Variants in KCP observed in about 807,000 individuals in gnomAD.
KCP encodes the protein kielin/chordin-like protein.
In KCP, 194 loss-of-function variants were observed where a neutral mutation model predicts 212.7. The ratio of observed to expected loss-of-function variants is 0.91; its 90% CI spans 0.81 to 1.03. The LOEUF is 1.03. KCP is among the 50% of genes least tolerant of loss of function. The probability of loss-of-function intolerance (pLI) is 0.00; values close to 1 mark genes in which losing one functional copy is unlikely to be tolerated. For synonymous variants in KCP, 833 were observed against 865.3 expected (o/e 0.96, Z 0.65); for missense variants, 2,080 against 2,162.5 (o/e 0.96, Z 0.76).
chr7:128,907,532 G>C, intron 2 of KCP, 79 bp from the exon 3 acceptor site: 1 of 1,021,012 alleles, frequency 9.8e-7, no homozygotes, highest in Non-Finnish European at 1.3e-6. Flanking sequence ...GTGTGAAAAT[G>C]AGGCAGGATG....
chr7:128,879,994 C>A lies in KCP; in HGVS notation c.3851G>T (p.Arg1284Leu). 1 of 1,550,440 alleles carries A rather than the reference C, an allele frequency of 6.4e-7. No homozygotes were observed. The highest frequency in any genetic ancestry group is 1.2e-5 in the South Asian group (1 of 84,062). Reference protein sequence around the residue: ...SCMAFGDPHYRTFDGRLLHFQ... With the variant: ...SCMAFGDPHYLTFDGRLLHFQ... ...GTGCAGCAGGCGGCCGTCGAAGGTGCGGTAATGGGGGTCTCCGAAGGCCAT... is the reference window on the plus strand; with the variant it reads ...GTGCAGCAGGCGGCCGTCGAAGGTGAGGTAATGGGGGTCTCCGAAGGCCAT... Residue 1284 changes from arginine (R) to leucine (L), a missense_variant, in exon 35 of 40, where the codon CGC becomes CTC. By Grantham distance (102) the Arg-to-Leu change is moderately radical (BLOSUM62 -2). Transcript: ENST00000610776.
At chr7:128,881,577 T>A in intron 31 of KCP, 49 bp downstream of exon 31, 1 of 1,337,146 alleles carries the variant, frequency 7.5e-7, no homozygotes, top group South Asian at 1.6e-5. Context: ...CCTTCCTGTG[T>A]TCCCCCTGGG....
intron 30 of KCP, 26 bp downstream of exon 30, chr7:128,881,911 T>G (rs1164126881): frequency 6.5e-7 from 1 of 1,544,750 alleles, no homozygotes; most frequent in South Asian, 1.2e-5. Flanking sequence ...AGGGGCTCTG[T>G]GAGTCCCCAA....
At chr7:128,887,752 CACACAT>C (rs975442739) in intron 22 of KCP, among the ~76,000 whole-genome samples, 11 of 151,402 alleles carry the variant, frequency 7.3e-5, no homozygotes, top group Non-Finnish European at 1.6e-4. Flanking sequence ...CTCATACACA[CACACAT>C]AAACACACAG....
chr7:128,910,546 T>G, intron 1 of KCP, 55 bp downstream of exon 1: 3 of 1,445,134 alleles, frequency 2.1e-6, no homozygotes, highest in Non-Finnish European at 2.8e-6. Context: ...GCCGGGCTGA[T>G]AGGAGGGAGG....
Position 128,878,577 on chromosome 7 carries a change from G to A in KCP, c.4292C>T (p.Ala1431Val), listed in dbSNP as rs200366368. Residue 1431 changes from alanine (A) to valine (V), a missense_variant, in exon 38 of 40, where the codon GCG becomes GTG. Physicochemically the swap from Ala to Val is moderately conservative, Grantham distance 64. Coordinates refer to ENST00000610776, the MANE Select transcript of KCP (RefSeq NM_001366122.1). ...PEGLLLPSEAAFGNSWQVSEG... is the reference protein window; with the variant it reads ...PEGLLLPSEAVFGNSWQVSEG... ...ACTCACCTGCCAGCTATTCCCAAAC[G>A]CAGCCTCCGAGGGCAGGAGCAGCCC... The A allele has an allele frequency of 8.5e-4, 1,318 of 1,550,974 alleles. 1 individual carries two copies. The highest frequency in any genetic ancestry group is 1.1e-3 in the Non-Finnish European group (1,266 of 1,146,818).
At position 128,879,777 on chromosome 7, in the gene KCP, C is replaced by G. The variant is rs1793206197; in HGVS notation, c.3985G>C (p.Glu1329Gln). 8 of 1,550,598 alleles carry G rather than the reference C, an allele frequency of 5.2e-6. No homozygotes were observed. The highest frequency in any genetic ancestry group is 4.4e-6 in the Non-Finnish European group (5 of 1,147,010). Residue 1329 changes from glutamate (E) to glutamine (Q), a missense_variant, in exon 36 of 40, where the codon GAG (glutamate) becomes CAG (glutamine). Transcript: ENST00000610776. ...RGRSGVAWTQ[E>Q]VAVLLGDMAV... Reference sequence around the variant, plus strand: ...ATGTCTCCCAGCAGCACCGCCACCTCCTGGGTCCAGGCCACACCGCTCCGG... The same window carrying G: ...ATGTCTCCCAGCAGCACCGCCACCTGCTGGGTCCAGGCCACACCGCTCCGG...
rs1292099013 is a variant in KCP at position 128,891,254 on chromosome 7, G to C, written c.1903C>G (p.Arg635Gly). 4 of 1,547,024 alleles carry C rather than the reference G, an allele frequency of 2.6e-6. No individual in the cohort carries two copies. The South Asian group carries it at 4.8e-5, about 18-fold the overall frequency. ...CLSGNVQCLA[R>G]RCVPLPCPEP... ...GGACAGGGCAGCGGCACGCAGCGGC[G>C]GGCCAGGCACTGCACGTTGCCGCTC... Residue 635 changes from arginine (R) to glycine (G), a missense_variant, in exon 19 of 40, where the codon CGC becomes GGC. By Grantham distance (125) the Arg-to-Gly change is moderately radical. Transcript: ENST00000610776.
At chr7:128,906,786 G>T (rs759265291) in intron 4 of KCP, among the ~76,000 whole-genome samples, 4 of 152,006 alleles carry the variant, frequency 2.6e-5, no homozygotes, top group Non-Finnish European at 4.4e-5. Flanking sequence ...CTATTAAGTT[G>T]GTGCAAAAGT....
chr7:128,879,457 C>T (rs1793181627), intron 37 of KCP, 65 bp downstream of exon 37: 2 of 1,369,762 alleles, frequency 1.5e-6, no homozygotes, highest in Non-Finnish European at 2.0e-6. Context: ...TCTACAGATA[C>T]AGAGGCCTAA....
chr7:128,898,947 T>A (rs1794682991), intron 8 of KCP, among the ~76,000 whole-genome samples: 1 of 152,232 alleles, frequency 6.6e-6, no homozygotes, highest in African/African-American at 2.4e-5. Flanking sequence ...ATAAAACATT[T>A]ATAAAAATCT....
Position 128,888,981 on chromosome 7 carries a change from T to A in KCP, c.2394A>T (p.Glu798Asp). 1 of 1,543,234 alleles carries A rather than the reference T, an allele frequency of 6.5e-7. No homozygotes were observed. The highest frequency in any genetic ancestry group is 8.8e-7 in the Non-Finnish European group (1 of 1,142,276). The change falls in exon 22 of 40, where the codon GAA becomes GAT. Residue 798 changes from glutamate (E) to aspartate (D), a missense_variant. Coordinates refer to ENST00000610776, the MANE Select transcript of KCP (RefSeq NM_001366122.1). ...LSNQEFPDPR[E>D]PCNLCTCLGG... ...CAAGACAGGTACACAGGTTGCAGGG[T>A]TCTCGGGGGTCTGGGAACTCCTGGT...
At chr7:128,889,773 G>C (rs893730585) in intron 21 of KCP, among the ~76,000 whole-genome samples, 1 of 152,118 alleles carries the variant, frequency 6.6e-6, no homozygotes, top group Non-Finnish European at 1.5e-5. Context: ...GGCCAAGATC[G>C]CACAAGAGTG....
intron 29 of KCP, 143 bp downstream of exon 29, chr7:128,883,858 TG>T (rs1402713474): frequency 9.6e-7 from 1 of 1,038,246 alleles, no homozygotes; most frequent in Non-Finnish European, 1.3e-6. Flanking sequence ...TTAGGGATGG[TG>T]CAGCCCTCGC....
intron 29 of KCP, 98 bp from the exon 30 acceptor site, chr7:128,882,114 G>T: frequency 1.2e-6 from 1 of 839,990 alleles, no homozygotes; most frequent in South Asian, 1.6e-5. Context: ...TTTCTAACTC[G>T]AACTCCTGAG....
At chr7:128,885,660 T>C (rs569349793) in intron 26 of KCP, among the ~76,000 whole-genome samples, 8 of 152,162 alleles carry the variant, frequency 5.3e-5, no homozygotes, top group Non-Finnish European at 1.2e-4. Context: ...AGTCTCCTCA[T>C]CTGTTAAATG....
rs755542388 is a variant in KCP at position 128,892,517 on chromosome 7, G to A, written c.1618C>T (p.Pro540Ser). 3.9e-6 allele frequency: 6 copies of A among 1,524,312 alleles called. No individual in the cohort carries two copies. The highest frequency in any genetic ancestry group is 5.3e-6 in the Non-Finnish European group (6 of 1,130,752). The allele number at this position is 1,524,312 out of a possible 1,614,324, so 94.4% of individuals were successfully genotyped here. A position where few individuals can be genotyped will look rare whatever the true frequency, so the allele number is the denominator to read the frequency against. ...GGCCCAGTGAGTGCCCACATACCTG[G>A]GCACCTGGGGCAACACTGGCCTGGT... is the stretch of plus-strand genomic sequence containing the variant. ...SGPGQCCPRC[P>S]DCILEEEVFV... The change falls in exon 16 of 40, where the codon CCA becomes TCA. Residue 540 changes from proline (P) to serine (S), a missense_variant. Transcript: ENST00000610776.
In KCP at chr7:128,876,878, A is replaced by C; in HGVS notation, c.*165T>G. 17 of 740,640 alleles carry C rather than the reference A, an allele frequency of 2.3e-5. No individual in the cohort carries two copies. Among genetic ancestry groups the C allele is most frequent in the Non-Finnish European group, 3.1e-5 (15 of 485,074 alleles). The allele number at this position is 740,640 out of a possible 1,614,324, so 45.9% of individuals were successfully genotyped here. A position where few individuals can be genotyped will look rare whatever the true frequency, so the allele number is the denominator to read the frequency against. On this transcript the variant is annotated 3_prime_UTR_variant, in exon 40 of 40. Coordinates refer to ENST00000610776, the MANE Select transcript of KCP (RefSeq NM_001366122.1). ...CACAAGGAAGCCTTCGGGCAGGCCTAGAGTTTACTGCTGGTGACTCAACAT... is the reference window on the plus strand; with the variant it reads ...CACAAGGAAGCCTTCGGGCAGGCCTCGAGTTTACTGCTGGTGACTCAACAT...
At position 128,889,011 on chromosome 7, in the gene KCP, C is replaced by T. The variant is rs1344422600; in HGVS notation, c.2364G>A (p.Leu788=). 1.3e-6 allele frequency: 2 copies of T among 1,526,158 alleles called. No homozygotes were observed. The highest frequency in any genetic ancestry group is 2.2e-5 in the Admixed American group (1 of 46,090). 94.5% of individuals were successfully genotyped at this position (1,526,158 alleles called of 1,614,324 possible). A position where few individuals can be genotyped will look rare whatever the true frequency, so the allele number is the denominator to read the frequency against. Residue 788 remains leucine (L), a synonymous_variant, in exon 22 of 40, where the codon CTG becomes CTA. Coordinates refer to ENST00000610776, the MANE Select transcript of KCP (RefSeq NM_001366122.1). ...GGGGGTCTGGGAACTCCTGGTTACT[C>T]AGGTAGGACTCCCCCAGGTACTCAC... The part of the protein sequence containing the change: ...DGCEYLGESY[L]SNQEFPDPRE...
Sources: allele counts gnomAD v4.1 joint callset (sites outside exome capture counted in the v4.1 genomes callset), GRCh38; gene constraint gnomAD v4.1.1; transcripts MANE v1.5; gene names NCBI Gene and HGNC (gene_info 2026-07-23, HGNC 2026-07-21).